Variants in CLIP1 observed in about 807,000 individuals in gnomAD.
The protein encoded by CLIP1 is CAP-Gly domain-containing linker protein 1.
CLIP1 carries 66 observed loss-of-function variants against 161.6 expected under a neutral mutation model. The ratio of observed to expected loss-of-function variants is 0.41; its 90% CI spans 0.33 to 0.50. The LOEUF (loss-of-function observed/expected upper bound fraction) is 0.50. Ranked by LOEUF, CLIP1 falls within the 20% of genes least tolerant of loss-of-function variation. CLIP1 has a pLI of 0.27. For missense variants in CLIP1, 1,376 were observed against 1,702.0 expected, an observed-to-expected ratio of 0.81 and a Z score of 3.37; for synonymous variants, 598 against 626.2, an observed-to-expected ratio of 0.96 and a Z score of 0.67.
chr12:122,307,566 T>A (rs938325896), intron 20 of CLIP1, among the ~76,000 whole-genome samples: 7 of 152,312 alleles, frequency 4.6e-5, no homozygotes, highest in Middle Eastern at 3.4e-3. Context: ...TTATTTTTTT[T>A]AAATAGCATT....
intron 1 of CLIP1, among the ~76,000 whole-genome samples, chr12:122,417,510 CTTTTTTT>C (rs35179677): frequency 1.9e-5 from 2 of 104,794 alleles, no homozygotes; most frequent in African/African-American, 3.1e-5. Flanking sequence ...ATTATTCTGC[CTTTTTTT>C]TTTTTTTTTT....
chr12:122,290,106 T>C (rs1956037787), intron 20 of CLIP1, among the ~76,000 whole-genome samples: 1 of 152,242 alleles, frequency 6.6e-6, no homozygotes, highest in Admixed American at 6.5e-5. Context: ...TGTAATGGCT[T>C]CCAACAGCCT....
At chr12:122,304,411 A>C (rs1252327684) in intron 20 of CLIP1, among the ~76,000 whole-genome samples, 1 of 152,148 alleles carries the variant, frequency 6.6e-6, no homozygotes, top group Non-Finnish European at 1.5e-5. Flanking sequence ...CCCAGGCTGG[A>C]GTCCAGTGGT....
At chr12:122,359,507 C>T (rs1953673599) in intron 5 of CLIP1, among the ~76,000 whole-genome samples, 1 of 152,216 alleles carries the variant, frequency 6.6e-6, no homozygotes, top group Non-Finnish European at 1.5e-5. Flanking sequence ...GAGTTTCTGA[C>T]CCACATTAAA....
intron 5 of CLIP1, among the ~76,000 whole-genome samples, chr12:122,359,157 A>C (rs935397051): frequency 3.3e-5 from 5 of 152,224 alleles, no homozygotes; most frequent in Non-Finnish European, 5.9e-5. Context: ...TGAGCAAAGT[A>C]ACTGAAATGA....
chr12:122,309,293 G>A (rs1950984226), intron 20 of CLIP1, among the ~76,000 whole-genome samples: 1 of 152,120 alleles, frequency 6.6e-6, no homozygotes, highest in Non-Finnish European at 1.5e-5. Context: ...AAAGGCTTAA[G>A]CATGTTTTTT....
At chr12:122,375,405 A>T (rs886805518) in intron 3 of CLIP1, among the ~76,000 whole-genome samples, 1 of 150,122 alleles carries the variant, frequency 6.7e-6, no homozygotes, top group Admixed American at 6.7e-5. Flanking sequence ...CAACCTCCCC[A>T]TCCTGGGTTC....
chr12:122,380,191 C>CA (rs2136830079), intron 2 of CLIP1, among the ~76,000 whole-genome samples, 177 bp downstream of exon 2: 1 of 149,084 alleles, frequency 6.7e-6, no homozygotes, highest in African/African-American at 2.5e-5. Flanking sequence ...TGCAGTGAGC[C>CA]AAGATTGCGC....
Position 122,355,537 on chromosome 12 carries a change from G to A in CLIP1, c.1006-225C>T, listed in dbSNP as rs1222737128. ...CAACGTAAAGAGATCAGCCAGGTGC[G>A]GTGGCTCATGCCTGTAATCCTAGCA... On this transcript the variant is annotated intron_variant, in intron 5 of 25. Transcript: ENST00000620786. The surrounding 1 kb of genome is among the most constrained non-coding windows in gnomAD (Gnocchi z 4.1). 4.7e-5 allele frequency: 24 copies of A among 510,044 alleles called. No homozygotes were observed. In the East Asian group the frequency reaches 7.1e-4, roughly 15 times the overall value. 31.6% of individuals were successfully genotyped at this position (510,044 alleles called of 1,614,324 possible). A position where few individuals can be genotyped will look rare whatever the true frequency, so the allele number is the denominator to read the frequency against.
intron 9 of CLIP1, among the ~76,000 whole-genome samples, chr12:122,349,564 G>A (rs960123996): frequency 6.6e-6 from 1 of 152,216 alleles, no homozygotes; most frequent in African/African-American, 2.4e-5. Context: ...TCAGCAGCAA[G>A]GGAACTAGTG....
At chr12:122,370,853 G>A (rs2136695283) in intron 3 of CLIP1, among the ~76,000 whole-genome samples, 1 of 151,882 alleles carries the variant, frequency 6.6e-6, no homozygotes, top group African/African-American at 2.4e-5. Context: ...AGCTACATGG[G>A]AGGCTGGGAC....
Position 122,361,011 on chromosome 12 carries a change from G to C in CLIP1, c.953C>G (p.Ser318Cys). Residue 318 changes from serine to cysteine, a missense_variant, in exon 5 of 26, where the codon TCC becomes TGC. Ser to Cys is a moderately radical substitution (Grantham distance 112). This residue lies in a region of CLIP1 where 211 missense variants were observed against 295.1 expected (regional missense o/e 0.72). Transcript: ENST00000620786. ...CACAGAGGAGGCCACTGAGCTCATG[G>C]AGCTGAGGGAAGAGGCAGAAGGGCT... ...KRSPSASSLSSMSSVASSVSS... is the reference protein window; with the variant it reads ...KRSPSASSLSCMSSVASSVSS... 6.2e-7 allele frequency: 1 copy of C among 1,614,140 alleles called. No homozygotes were observed. The highest frequency in any genetic ancestry group is 1.1e-5 in the South Asian group (1 of 91,086).
At chr12:122,303,800 A>G (rs1950773577) in intron 20 of CLIP1, among the ~76,000 whole-genome samples, 1 of 152,090 alleles carries the variant, frequency 6.6e-6, no homozygotes, top group Non-Finnish European at 1.5e-5. Context: ...TTCTTCCCCA[A>G]ATTAGAAGAC....
chr12:122,332,121 C>A (rs1952001190), intron 15 of CLIP1, among the ~76,000 whole-genome samples: 1 of 151,982 alleles, frequency 6.6e-6, no homozygotes, highest in Non-Finnish European at 1.5e-5. Context: ...CATGGAGAAA[C>A]CCTGTCTCTA....
intron 11 of CLIP1, among the ~76,000 whole-genome samples, chr12:122,338,296 G>A (rs950703800): frequency 6.6e-6 from 1 of 152,070 alleles, no homozygotes; most frequent in African/African-American, 2.4e-5. Context: ...GTGACAGAAC[G>A]AGACTCTGTC....
At chr12:122,277,840 A>G (rs927679705) in intron 24 of CLIP1, 7 of 258,420 alleles carry the variant, frequency 2.7e-5, no homozygotes, top group Non-Finnish European at 5.1e-5. Flanking sequence ...ATGTTAAAAA[A>G]AAAAAAGGGA....
chr12:122,316,248 T>C (rs1363615801), intron 19 of CLIP1, among the ~76,000 whole-genome samples: 1 of 151,668 alleles, frequency 6.6e-6, no homozygotes, highest in Admixed American at 6.6e-5. Context: ...TCTCACTCTG[T>C]CACCCAGGCT....
intron 1 of CLIP1, among the ~76,000 whole-genome samples, chr12:122,414,997 G>C (rs1956682729): frequency 6.6e-6 from 1 of 151,988 alleles, no homozygotes; most frequent in African/African-American, 2.4e-5. Flanking sequence ...GGTGGAGGCT[G>C]CAGTGAGTCA....
intron 20 of CLIP1, among the ~76,000 whole-genome samples, chr12:122,302,400 T>C (rs1356693835): frequency 6.6e-6 from 1 of 151,974 alleles, no homozygotes; most frequent in East Asian, 1.9e-4. Flanking sequence ...ATGCCCACCA[T>C]AGAATTATTT....
Sources: gnomAD v4.1 joint callset for allele counts (sites outside exome capture counted in the v4.1 genomes callset) on GRCh38, gnomAD v4.1.1 for gene constraint, gnomAD v4.1.1 regional missense constraint, Gnocchi (gnomAD v3.1) non-coding constraint, MANE v1.5 for transcripts, NCBI Gene and HGNC (gene_info 2026-07-23, HGNC 2026-07-21) for gene names.